The following TMEFF2 variants were observed in gnomAD, a reference collection of about 807,000 sequenced individuals.
TMEFF2 encodes the protein tomoregulin-2.
A neutral mutation model predicts 53.8 loss-of-function variants in TMEFF2; 28 were observed. The ratio of observed to expected loss-of-function variants is 0.52; its 90% CI spans 0.39 to 0.71. TMEFF2 has a LOEUF of 0.71. Ranked by LOEUF, TMEFF2 falls within the 30% of genes least tolerant of loss-of-function variation. The pLI is 0.00. For missense variants in TMEFF2, 353 were observed against 455.2 expected (o/e 0.78, Z 2.04); for synonymous variants, 162 against 166.3 (o/e 0.97, Z 0.20).
At chr2:192,131,217 T>C (rs1689817042) in intron 4 of TMEFF2, among the ~76,000 whole-genome samples, 1 of 150,058 alleles carries the variant, frequency 6.7e-6, no homozygotes. Flanking sequence ...TCTCTACCCC[T>C]TCTCTGCTTT....
chr2:191,992,633 CAT>C (rs1408125250), intron 7 of TMEFF2: 1 of 152,000 alleles, frequency 6.6e-6, no homozygotes, highest in Non-Finnish European at 1.5e-5. Context: ...AAAGCTATGA[CAT>C]ATCACAATAT....
At chr2:192,113,766 T>TA (rs1275917496) in intron 4 of TMEFF2, among the ~76,000 whole-genome samples, 5 of 152,028 alleles carry the variant, frequency 3.3e-5, no homozygotes, top group Admixed American at 2.6e-4. Flanking sequence ...CAGGTGAGAG[T>TA]AATAGTAGCT....
chr2:192,147,114 C>A (rs1021103616), intron 4 of TMEFF2, among the ~76,000 whole-genome samples: 1 of 151,904 alleles, frequency 6.6e-6, no homozygotes, highest in Non-Finnish European at 1.5e-5. Context: ...TTTAAGACTC[C>A]CCTTTCCAGA....
chr2:192,075,471 G>C lies in TMEFF2; in HGVS notation c.440-17696C>G, dbSNP rs970530078. Among the ~76,000 whole-genome samples the C allele has an allele frequency of 1.1e-4, 16 of 151,212 alleles. 1 individual carries two copies. Among genetic ancestry groups the C allele is most frequent in the South Asian group, 6.3e-4 (3 of 4,772 alleles). On this transcript the variant is annotated intron_variant, in intron 4 of 9. Coordinates refer to ENST00000272771, the MANE Select transcript of TMEFF2 (RefSeq NM_016192.4). ...GCAGCATATTACTTGTAATAGGACA[G>C]ACTTCATTTTCGGTGGCTAAAAATT...
chr2:191,966,186 G>A (rs1350832808), intron 7 of TMEFF2, among the ~76,000 whole-genome samples: 2 of 152,154 alleles, frequency 1.3e-5, no homozygotes, highest in African/African-American at 4.8e-5. Context: ...ACTTTTTGTA[G>A]GTGAGGGTGG....
At chr2:192,023,985 G>A (rs1197588409) in intron 5 of TMEFF2, among the ~76,000 whole-genome samples, 1 of 152,162 alleles carries the variant, frequency 6.6e-6, no homozygotes, top group Non-Finnish European at 1.5e-5. Flanking sequence ...AAAGAACACT[G>A]CCAAGGGGAC....
Position 192,029,255 on chromosome 2 carries a change from TG to T in TMEFF2, c.536+28423del, listed in dbSNP as rs1314658809. 5 of 150,766 alleles carry T rather than the reference TG, an allele frequency of 3.3e-5. No individual in the cohort carries two copies. In the Admixed American group the frequency reaches 3.3e-4, roughly 10 times the overall value. The allele number at this position is 150,766 out of a possible 1,614,324, so 9.3% of individuals were successfully genotyped here. On this transcript the variant is annotated intron_variant, in intron 5 of 9. Coordinates refer to ENST00000272771, the MANE Select transcript of TMEFF2 (RefSeq NM_016192.4). ...TGAGTATTGCCAGCAGACGCATGAG[TG>T]AGCTTGCAAGTGGATCTTCCCCCTG...
At chr2:192,070,019 T>TATATATATATATATA (rs1688258475) in intron 4 of TMEFF2, among the ~76,000 whole-genome samples, 2 of 22,340 alleles carry the variant, frequency 9.0e-5, no homozygotes, top group African/African-American at 2.4e-4. Context: ...TATATATATA[T>TATATATATATATATA]ATATATATAT....
rs1691547579 is a variant in TMEFF2, at chr2:192,194,278, G to A, written c.172+75C>T. On this transcript the variant is annotated intron_variant, in intron 1 of 9. Coordinates refer to ENST00000272771, the MANE Select transcript of TMEFF2 (RefSeq NM_016192.4). This position sits in a 1 kb window ranked among gnomAD's most constrained non-coding sequence, Gnocchi z 4.2. Reference sequence around the variant, plus strand: ...GTGAGGGGCTGAGGAGGCGCGCTAGGGTAGGCTGGTCTGTGCTGGATACGC... The same window carrying A: ...GTGAGGGGCTGAGGAGGCGCGCTAGAGTAGGCTGGTCTGTGCTGGATACGC... 1.9e-6 allele frequency: 3 copies of A among 1,560,050 alleles called. No homozygotes were observed. The highest frequency in any genetic ancestry group is 2.6e-6 in the Non-Finnish European group (3 of 1,142,146).
chr2:192,138,467 C>T (rs942688050), intron 4 of TMEFF2, among the ~76,000 whole-genome samples: 6 of 152,198 alleles, frequency 3.9e-5, no homozygotes, highest in Non-Finnish European at 8.8e-5. Flanking sequence ...TTGAGATCCA[C>T]CTCCAAAGCT....
intron 5 of TMEFF2, chr2:192,021,933 T>C (rs1021228198): frequency 1.3e-5 from 2 of 152,248 alleles, no homozygotes; most frequent in African/African-American, 4.8e-5. Context: ...TTAAGATTTG[T>C]AGAAGAGAAG....
At chr2:191,986,859 GAA>G (rs35061261) in intron 7 of TMEFF2, among the ~76,000 whole-genome samples, 2 of 76,542 alleles carry the variant, frequency 2.6e-5, no homozygotes, top group Non-Finnish European at 2.6e-5. Context: ...CTCCGTCTCA[GAA>G]AAAAAAAAAA....
intron 4 of TMEFF2, among the ~76,000 whole-genome samples, chr2:192,065,569 A>G (rs1045335844): frequency 1.3e-5 from 2 of 151,796 alleles, no homozygotes; most frequent in Admixed American, 1.3e-4. Flanking sequence ...CATTTCTGCT[A>G]TTTTAGTCAA....
chr2:192,141,213 G>T lies in TMEFF2; in HGVS notation c.439+38455C>A, dbSNP rs116532809. Among the ~76,000 whole-genome samples, 1,051 of 152,142 alleles carry T rather than the reference G, an allele frequency of 6.9e-3. 6 individuals carry two copies. The highest frequency in any genetic ancestry group is 0.012 in the Non-Finnish European group (847 of 67,992). On this transcript the variant is annotated intron_variant, in intron 4 of 9. Coordinates refer to ENST00000272771, the MANE Select transcript of TMEFF2 (RefSeq NM_016192.4). ...CACGGCTATAATCCTAGCACTCTGGGAGGCTGAGGCAGGTGGATCAGTTGA... is the reference window on the plus strand; with the variant it reads ...CACGGCTATAATCCTAGCACTCTGGTAGGCTGAGGCAGGTGGATCAGTTGA...
At chr2:192,179,010 T>C (rs1280938098) in intron 4 of TMEFF2, 1 of 141,356 alleles carries the variant, frequency 7.1e-6, no homozygotes, top group Non-Finnish European at 1.6e-5. Flanking sequence ...TGGTAGTAAG[T>C]ACATTAGATC....
At chr2:192,060,367 CA>C (rs1310673808) in intron 4 of TMEFF2, among the ~76,000 whole-genome samples, 1 of 152,100 alleles carries the variant, frequency 6.6e-6, no homozygotes, top group African/African-American at 2.4e-5. Context: ...GTCCACAGAC[CA>C]CATTTTGAGT....
intron 7 of TMEFF2, among the ~76,000 whole-genome samples, chr2:191,966,893 A>T (rs904125619): frequency 1.3e-5 from 2 of 152,160 alleles, no homozygotes; most frequent in African/African-American, 4.8e-5. Flanking sequence ...AGGGGTTTTT[A>T]TAATTTATTA....
At chr2:192,146,153 T>C (rs2105995080) in intron 4 of TMEFF2, among the ~76,000 whole-genome samples, 1 of 152,102 alleles carries the variant, frequency 6.6e-6, no homozygotes. Flanking sequence ...GCCACCATGC[T>C]AGGTTCCATC....
chr2:192,016,041 C>G (rs1686737130), intron 5 of TMEFF2, among the ~76,000 whole-genome samples: 1 of 152,110 alleles, frequency 6.6e-6, no homozygotes, highest in African/African-American at 2.4e-5. Flanking sequence ...TGCCTTGGGT[C>G]ACACAGAAAG....
Sources: gnomAD v4.1 joint callset for allele counts (sites outside exome capture counted in the v4.1 genomes callset) on GRCh38, gnomAD v4.1.1 for gene constraint, Gnocchi (gnomAD v3.1) non-coding constraint, MANE v1.5 for transcripts, NCBI Gene and HGNC (gene_info 2026-07-23, HGNC 2026-07-21) for gene names.